Variants in KHDC1 observed in about 807,000 individuals in gnomAD.
KHDC1 encodes the protein KH domain containing 1.
KHDC1 carries 21 observed loss-of-function variants against 24.7 expected under a neutral mutation model. The ratio of observed to expected loss-of-function variants is 0.85; its 90% CI spans 0.60 to 1.23. The LOEUF (loss-of-function observed/expected upper bound fraction) is 1.23. KHDC1 is among the 50% of genes most tolerant of loss of function. The probability of loss-of-function intolerance (pLI) is 0.00; values close to 1 mark genes in which losing one functional copy is unlikely to be tolerated. For missense variants in KHDC1, 274 were observed against 298.5 expected, an observed-to-expected ratio of 0.92 and a Z score of 0.61; for synonymous variants, 98 against 111.7, an observed-to-expected ratio of 0.88 and a Z score of 0.77.
intron 4 of KHDC1, 127 bp downstream of exon 3, chr6:73,241,928 A>G (rs1484582854): frequency 1.5e-5 from 17 of 1,143,608 alleles, no homozygotes; most frequent in South Asian, 6.3e-5. Flanking sequence ...TTTCTTCCCA[A>G]TGGACTCTGG....
chr6:73,286,220 TTGTG>T lies in KHDC1; in HGVS notation c.206+5774_206+5777del, dbSNP rs538110169. On this transcript the variant is annotated intron_variant, in intron 2 of 4. Coordinates refer to ENST00000370384, the Ensembl canonical transcript of KHDC1. ...CTTGGTCCTAAATGGATTCACTCGT[TTGTG>T]TGGGGTTTTTTTAAGTCAGTAAAGG... Among the ~76,000 whole-genome samples, 396 of 152,252 alleles carry T rather than the reference TTGTG, an allele frequency of 2.6e-3. 8 individuals carry two copies. Among genetic ancestry groups the T allele is most frequent in the South Asian group, 0.025 (120 of 4,814 alleles).
chr6:73,247,108 G>A (rs1489796014), intron 2 of KHDC1, among the ~76,000 whole-genome samples: 1 of 151,838 alleles, frequency 6.6e-6, no homozygotes, highest in East Asian at 1.9e-4. Context: ...CTCCTGATTA[G>A]CTGGGATTAC....
intron 2 of KHDC1, among the ~76,000 whole-genome samples, chr6:73,256,915 G>C (rs1428826672): frequency 6.6e-6 from 1 of 152,138 alleles, no homozygotes; most frequent in Non-Finnish European, 1.5e-5. Context: ...GTTATCTAGA[G>C]GTGCACCTGA....
In KHDC1 at chr6:73,279,567, G is replaced by T. The variant is rs138994962; in HGVS notation, c.206+12431C>A. ...TCCATTTGCCTCAATGATAACATGG[G>T]ACCATGGATTTTTTTTTTTTTTTTT... On this transcript the variant is annotated intron_variant, in intron 2 of 4. Transcript: ENST00000370384. Among the ~76,000 whole-genome samples, 618 of 149,148 alleles carry T rather than the reference G, an allele frequency of 4.1e-3. 6 individuals carry two copies. The highest frequency in any genetic ancestry group is 0.015 in the African/African-American group (603 of 40,710).
At chr6:73,289,676 A>C (rs1383014093) in intron 2 of KHDC1, among the ~76,000 whole-genome samples, 1 of 151,926 alleles carries the variant, frequency 6.6e-6, no homozygotes, top group African/African-American at 2.4e-5. Context: ...AAAAGAAAAA[A>C]AACGGCCAGG....
intron 2 of KHDC1, among the ~76,000 whole-genome samples, chr6:73,263,817 A>G (rs2150572372): frequency 6.6e-6 from 1 of 152,348 alleles, no homozygotes; most frequent in Non-Finnish European, 1.5e-5. Context: ...GGCCTCAAAC[A>G]TGAATTTGAA....
intron 2 of KHDC1, among the ~76,000 whole-genome samples, chr6:73,260,220 G>A (rs931391174): frequency 6.6e-6 from 1 of 152,098 alleles, no homozygotes; most frequent in Admixed American, 6.6e-5. Flanking sequence ...GGGGAGTCCA[G>A]TGTGATTTAC....
intron 2 of KHDC1, among the ~76,000 whole-genome samples, chr6:73,244,785 T>C (rs1025928820): frequency 5.3e-5 from 8 of 151,436 alleles, no homozygotes; most frequent in Non-Finnish European, 8.8e-5. Context: ...ACTAAAAAAA[T>C]AGTCAGGTGA....
intron 1 of KHDC1, among the ~76,000 whole-genome samples, chr6:73,303,597 A>G (rs942053984): frequency 6.6e-6 from 1 of 152,238 alleles, no homozygotes; most frequent in African/African-American, 2.4e-5. Context: ...AGAAGGGCAC[A>G]TGATCACATC....
At chr6:73,280,318 C>T (rs1353142332) in intron 2 of KHDC1, among the ~76,000 whole-genome samples, 1 of 151,866 alleles carries the variant, frequency 6.6e-6, no homozygotes, top group Non-Finnish European at 1.5e-5. Context: ...CCACCATGCT[C>T]GGCTAATGTT....
chr6:73,294,020 A>C (rs1412230635), intron 1 of KHDC1, among the ~76,000 whole-genome samples: 2 of 145,740 alleles, frequency 1.4e-5, no homozygotes, highest in African/African-American at 2.5e-5. Flanking sequence ...AAAAAAAAAC[A>C]AAAAAAAACC....
chr6:73,258,691 C>T (rs111891736), intron 2 of KHDC1, among the ~76,000 whole-genome samples: 6,953 of 152,230 alleles, frequency 0.046, 520 homozygotes, highest in African/African-American at 0.16. Flanking sequence ...AACTCTGAAA[C>T]CTAGATTCAA....
intron 2 of KHDC1, among the ~76,000 whole-genome samples, chr6:73,245,182 T>C (rs983539267): frequency 6.6e-6 from 1 of 152,200 alleles, no homozygotes; most frequent in Non-Finnish European, 1.5e-5. Context: ...GGGTGAAGTA[T>C]CTACTTGGTG....
chr6:73,267,344 G>A (rs1360361559), intron 2 of KHDC1, among the ~76,000 whole-genome samples: 2 of 152,124 alleles, frequency 1.3e-5, no homozygotes, highest in Non-Finnish European at 2.9e-5. Flanking sequence ...TTAGCTGGTT[G>A]TGGTGGCAGG....
chr6:73,259,346 G>A (rs1342961961), intron 2 of KHDC1, among the ~76,000 whole-genome samples: 2 of 137,578 alleles, frequency 1.5e-5, no homozygotes, highest in Non-Finnish European at 3.0e-5. Flanking sequence ...GGAGTGCAGT[G>A]GCTATTCATA....
chr6:73,304,093 C>T (rs143961523), intron 1 of KHDC1, among the ~76,000 whole-genome samples: 2,313 of 151,934 alleles, frequency 0.015, 25 homozygotes, highest in East Asian at 0.057. Context: ...GCATGACAAT[C>T]GCTTGAACCC....
rs187961614 is a variant in KHDC1, at chr6:73,296,889, C to G, written c.164-4849G>C. Among the ~76,000 whole-genome samples the G allele has an allele frequency of 1.2e-4, 19 of 152,150 alleles. 1 individual carries two copies. In the East Asian group the frequency reaches 3.1e-3, roughly 25 times the overall value. The stretch of plus-strand genomic sequence containing the variant: ...AAACTATTCTACGCAAACACAAAGA[C>G]ATATGTACTATATGTTTTTGTTTTT... On this transcript the variant is annotated intron_variant, in intron 1 of 4. Coordinates refer to ENST00000370384, the Ensembl canonical transcript of KHDC1.
In KHDC1 at chr6:73,262,755, G is replaced by C; in HGVS notation, c.207-20225C>G. The C allele has an allele frequency of 1.0e-6, 1 of 985,416 alleles. No homozygotes were observed. The highest frequency in any genetic ancestry group is 1.2e-6 in the Non-Finnish European group (1 of 829,906). The allele number at this position is 985,416 out of a possible 1,614,324, so 61.0% of individuals were successfully genotyped here. The stretch of plus-strand genomic sequence containing the variant: ...GATGAACTTAGTAAGAAATGTGCAA[G>C]ATCTAGATGAAGACCCACCAGATAG... On this transcript the variant is annotated intron_variant, in intron 2 of 4. Coordinates refer to ENST00000370384, the Ensembl canonical transcript of KHDC1.
At chr6:73,273,102 G>T (rs1432438631) in intron 2 of KHDC1, among the ~76,000 whole-genome samples, 1 of 148,110 alleles carries the variant, frequency 6.8e-6, no homozygotes, top group South Asian at 2.2e-4. Flanking sequence ...CAGGTGATCC[G>T]CCCACCTCGG....
Sources: allele counts gnomAD v4.1 joint callset (sites outside exome capture counted in the v4.1 genomes callset), GRCh38; gene constraint gnomAD v4.1.1; transcripts MANE v1.5; gene names NCBI Gene and HGNC (gene_info 2026-07-23, HGNC 2026-07-21).